WWOX: variants seen among roughly 807,000 people sequenced by gnomAD.
WWOX encodes WW domain-containing oxidoreductase.
A neutral mutation model predicts 46.2 loss-of-function variants in WWOX; 69 were observed. That is an observed-to-expected ratio of 1.49 (90% CI 1.23 to 1.82). The LOEUF (loss-of-function observed/expected upper bound fraction) is 1.82. WWOX is among the 40% of genes most tolerant of loss of function. The pLI, the probability that WWOX is intolerant of heterozygous loss-of-function variation, is 0.00. For synonymous variants in WWOX, 359 were observed against 202.6 expected, an observed-to-expected ratio of 1.77 and a Z score of -6.56; for missense variants, 919 against 542.6, an observed-to-expected ratio of 1.69 and a Z score of -6.89.
chr16:78,871,633 C>T (rs1440416546), intron 8 of WWOX, among the ~76,000 whole-genome samples: 1 of 152,132 alleles, frequency 6.6e-6, no homozygotes, highest in African/African-American at 2.4e-5. Flanking sequence ...TGGCTATTAC[C>T]AGGTTGCTCA....
intron 8 of WWOX, among the ~76,000 whole-genome samples, chr16:79,109,598 G>C (rs1213091129): frequency 6.6e-6 from 1 of 152,112 alleles, no homozygotes; most frequent in Non-Finnish European, 1.5e-5. Flanking sequence ...AACAAGCCTT[G>C]TTCATTTTTA....
intron 8 of WWOX, among the ~76,000 whole-genome samples, chr16:78,775,743 T>C (rs988537335): frequency 6.6e-6 from 1 of 152,222 alleles, no homozygotes; most frequent in African/African-American, 2.4e-5. Flanking sequence ...ATAATAATCA[T>C]TAGCATCATT....
intron 8 of WWOX, among the ~76,000 whole-genome samples, chr16:79,080,777 G>A (rs1359938575): frequency 6.6e-6 from 1 of 152,044 alleles, no homozygotes; most frequent in Non-Finnish European, 1.5e-5. Context: ...GACCAGCCCG[G>A]GCAACACAGG....
At chr16:78,577,537 C>G (rs189741185) in intron 8 of WWOX, among the ~76,000 whole-genome samples, 155 of 152,324 alleles carry the variant, frequency 1.0e-3, no homozygotes, top group African/African-American at 3.6e-3. Flanking sequence ...GCCAAGCCAG[C>G]TAGAGTTCAA....
At chr16:78,408,692 T>C (rs933974253) in intron 6 of WWOX, among the ~76,000 whole-genome samples, 1 of 152,186 alleles carries the variant, frequency 6.6e-6, no homozygotes, top group African/African-American at 2.4e-5. Flanking sequence ...TGGGTAAGCA[T>C]GCAAGAAGTT....
intron 8 of WWOX, among the ~76,000 whole-genome samples, chr16:78,655,785 A>T (rs1448961764): frequency 1.3e-5 from 2 of 152,172 alleles, no homozygotes; most frequent in African/African-American, 4.8e-5. Context: ...ATGAAAGTAA[A>T]CAAATCTGTG....
At chr16:78,968,647 C>T (rs1418256294) in intron 8 of WWOX, among the ~76,000 whole-genome samples, 2 of 152,202 alleles carry the variant, frequency 1.3e-5, no homozygotes, top group East Asian at 1.9e-4. Context: ...GCACAAGCCC[C>T]AGCTGCCAAG....
At chr16:78,423,958 G>C (rs925729318) in intron 6 of WWOX, among the ~76,000 whole-genome samples, 1 of 151,710 alleles carries the variant, frequency 6.6e-6, no homozygotes, top group African/African-American at 2.4e-5. Flanking sequence ...ATCTCTATAA[G>C]AAATTCTGTA....
intron 8 of WWOX, among the ~76,000 whole-genome samples, chr16:79,107,792 G>A (rs1056132411): frequency 1.3e-5 from 2 of 152,152 alleles, no homozygotes; most frequent in African/African-American, 4.8e-5. Context: ...TATGTATCAG[G>A]TAATGATCAC....
At chr16:78,816,965 A>G (rs1167767315) in intron 8 of WWOX, among the ~76,000 whole-genome samples, 1 of 152,080 alleles carries the variant, frequency 6.6e-6, no homozygotes, top group Non-Finnish European at 1.5e-5. Context: ...ACAAGTAAAT[A>G]CCTTGGGCCT....
intron 8 of WWOX, among the ~76,000 whole-genome samples, chr16:78,697,854 G>A (rs1597459289): frequency 6.6e-6 from 1 of 152,230 alleles, no homozygotes; most frequent in East Asian, 1.9e-4. Context: ...AATACCCCAT[G>A]AAGGAGGTGC....
intron 4 of WWOX, among the ~76,000 whole-genome samples, chr16:78,151,539 A>G (rs1445608491): frequency 6.6e-6 from 1 of 152,126 alleles, no homozygotes; most frequent in Non-Finnish European, 1.5e-5. Flanking sequence ...GCTCCTCCTT[A>G]CCTGGACATT....
In WWOX at chr16:79,079,422, A is replaced by G. The variant is rs1361613783; in HGVS notation, c.1057-132186A>G. On this transcript the variant is annotated intron_variant, in intron 8 of 8. Transcript: ENST00000566780. ...CAATCCGGTATCCATTCATCCATCC[A>G]TCCATCTAGGCATCCCAGGTGACTC... Among the ~76,000 whole-genome samples, 8 of 152,148 alleles carry G rather than the reference A, an allele frequency of 5.3e-5. No individual in the cohort carries two copies. The East Asian group carries it at 1.5e-3, about 29-fold the overall frequency.
At chr16:78,517,873 TTTTTTTA>T (rs1353576153) in intron 8 of WWOX, among the ~76,000 whole-genome samples, 1 of 150,536 alleles carries the variant, frequency 6.6e-6, no homozygotes, top group African/African-American at 2.4e-5. Context: ...TTTTTTTTTT[TTTTTTTA>T]CTCTGAATGT....
chr16:78,814,596 C>T (rs569198689), intron 8 of WWOX, among the ~76,000 whole-genome samples: 1 of 152,142 alleles, frequency 6.6e-6, no homozygotes, highest in Non-Finnish European at 1.5e-5. Flanking sequence ...TATCCAATTT[C>T]AAGATGTATC....
intron 8 of WWOX, among the ~76,000 whole-genome samples, chr16:78,867,186 C>G (rs904010988): frequency 2.0e-5 from 3 of 152,128 alleles, no homozygotes; most frequent in Admixed American, 6.5e-5. Flanking sequence ...AAAACTGCAA[C>G]TCATCTTCAT....
At chr16:78,424,479 C>T (rs1213285251) in intron 6 of WWOX, among the ~76,000 whole-genome samples, 3 of 152,162 alleles carry the variant, frequency 2.0e-5, no homozygotes, top group African/African-American at 7.2e-5. Flanking sequence ...ACTTTAAGGG[C>T]TATTTTGATT....
intron 1 of WWOX, among the ~76,000 whole-genome samples, chr16:78,105,286 A>T (rs947653673): frequency 6.6e-5 from 10 of 152,254 alleles, no homozygotes; most frequent in African/African-American, 2.4e-4. Flanking sequence ...ACATGGTGAA[A>T]CCCCATCTCT....
At chr16:78,119,854 C>G (rs2074316702) in intron 4 of WWOX, among the ~76,000 whole-genome samples, 2 of 152,120 alleles carry the variant, frequency 1.3e-5, no homozygotes, top group South Asian at 4.1e-4. Flanking sequence ...AGTCCTAAAC[C>G]AGCAGTGGCT....
Sources: allele counts gnomAD v4.1 joint callset (sites outside exome capture counted in the v4.1 genomes callset), GRCh38; gene constraint gnomAD v4.1.1; transcripts MANE v1.5; gene names NCBI Gene and HGNC (gene_info 2026-07-23, HGNC 2026-07-21).